NXF1: variants seen among roughly 807,000 people sequenced by gnomAD.
NXF1 encodes the protein mRNA export factor TAP.
Under a neutral mutation model 92.4 loss-of-function variants are expected in NXF1, and 43 were observed. The ratio of observed to expected loss-of-function variants is 0.47; its 90% CI spans 0.36 to 0.60. The LOEUF is 0.60. Ranked by LOEUF, NXF1 falls within the 20% of genes least tolerant of loss-of-function variation. NXF1 has a pLI of 0.00. For missense variants in NXF1, 576 were observed against 793.0 expected (o/e 0.73, Z 3.29); for synonymous variants, 288 against 292.2 (o/e 0.99, Z 0.15).
At chr11:62,803,314 T>TA (rs1277246063) in intron 3 of NXF1, 105 bp downstream of exon 3, 38 of 1,000,356 alleles carry the variant, frequency 3.8e-5, no homozygotes, top group East Asian at 5.5e-5. Context: ...AGACTCCATT[T>TA]AAAAAAAATA....
At chr11:62,799,133 G>A (rs1283526836) in intron 10 of NXF1, 17 of 981,730 alleles carry the variant, frequency 1.7e-5, no homozygotes, top group Non-Finnish European at 2.1e-5. Context: ...AGGGAGAGAT[G>A]GGGAGGTATA....
At chr11:62,804,182 TG>T (rs1257308803) in intron 1 of NXF1, 8 of 1,526,076 alleles carry the variant, frequency 5.2e-6, no homozygotes, top group Non-Finnish European at 7.0e-6. Flanking sequence ...TGGAAAACTG[TG>T]TAGGGCTTTT....
chr11:62,792,752 A>C lies in NXF1; in HGVS notation c.1761-51T>G, dbSNP rs761473671. ...GTAAGAACTCTGACTCGTAAATGCC[A>C]GCTGAAAGTCCACTCCATAAAAGCA... is the stretch of plus-strand genomic sequence containing the variant. On this transcript the variant is annotated intron_variant, in intron 19 of 20. Transcript: ENST00000294172. 3.1e-6 allele frequency: 5 copies of C among 1,591,162 alleles called. No individual in the cohort carries two copies. In the South Asian group the frequency reaches 3.3e-5, roughly 11 times the overall value.
chr11:62,801,368 C>T lies in NXF1; in HGVS notation c.759G>A (p.Met253Ile). ...CTTCAATGATCCTCAGGGTAGCTGC[C>T]ATACAGCTTCTGCGATTCAGGACAA... Reference protein sequence around the residue: ...IDVVLNRRSCMAATLRIIEEN... With the variant: ...IDVVLNRRSCIAATLRIIEEN... Residue 253 changes from methionine to isoleucine, a missense_variant, in exon 8 of 21, where the codon ATG becomes ATA. Physicochemically the swap from Met to Ile is conservative, Grantham distance 10 (BLOSUM62 1). Transcript: ENST00000294172. The T allele has an allele frequency of 6.2e-7, 1 of 1,614,140 alleles. No homozygotes were observed. The highest frequency in any genetic ancestry group is 8.5e-7 in the Non-Finnish European group (1 of 1,179,992).
In NXF1 at chr11:62,802,287, G is replaced by A. The variant is rs200954542; in HGVS notation, c.370-27C>T. On this transcript the variant is annotated intron_variant, in intron 3 of 20. Coordinates refer to ENST00000294172, the MANE Select transcript of NXF1 (RefSeq NM_006362.5). ...TAGAAATGAGAGAAAGAGAAAAGAAGGGAATGATAAGTAAGGCTGAATAGC... is the reference window on the plus strand; with the variant it reads ...TAGAAATGAGAGAAAGAGAAAAGAAAGGAATGATAAGTAAGGCTGAATAGC... The A allele has an allele frequency of 1.2e-4, 194 of 1,596,054 alleles. No homozygotes were observed. The East Asian group carries it at 1.3e-3, about 10-fold the overall frequency.
Position 62,803,590 on chromosome 11 carries a change from A to C in NXF1, c.216-18T>G. ...AGGGGTTGCTGTGGGTAAGCAGAGA[A>C]TAAAATGACCACAAATGCTAGGAAA... On this transcript the variant is annotated intron_variant, in intron 2 of 20. Transcript: ENST00000294172. 1.2e-6 allele frequency: 2 copies of C among 1,613,840 alleles called. No individual in the cohort carries two copies. The highest frequency in any genetic ancestry group is 1.1e-5 in the South Asian group (1 of 91,028).
At chr11:62,803,604 A>G in intron 2 of NXF1, 32 bp from the exon 3 acceptor site, 1 of 1,613,036 alleles carries the variant, frequency 6.2e-7, no homozygotes, top group Non-Finnish European at 8.5e-7. Flanking sequence ...AATGACCACA[A>G]ATGCTAGGAA....
chr11:62,805,210 G>GCCGCTCC, intron 1 of NXF1, 119 bp downstream of exon 1: 1 of 945,080 alleles, frequency 1.1e-6, no homozygotes, highest in Non-Finnish European at 1.4e-6. Flanking sequence ...CCCCCCGCGC[G>GCCGCTCC]CCGCTCCCCG....
intron 17 of NXF1, among the ~76,000 whole-genome samples, 169 bp downstream of exon 17, chr11:62,795,732 A>G (rs1431965470): frequency 1.3e-5 from 2 of 152,172 alleles, no homozygotes; most frequent in Non-Finnish European, 2.9e-5. Context: ...CCACATCCAG[A>G]CAGGACAGGT....
intron 11 of NXF1, among the ~76,000 whole-genome samples, chr11:62,797,648 G>A (rs1388025384): frequency 1.3e-5 from 2 of 152,144 alleles, no homozygotes. Context: ...GAAGGTTGCA[G>A]TAAGCTACGA....
intron 1 of NXF1, chr11:62,804,186 G>C: frequency 6.6e-7 from 1 of 1,523,746 alleles, no homozygotes; most frequent in Non-Finnish European, 8.8e-7. Flanking sequence ...AAACTGTGTA[G>C]GGCTTTTGAA....
At position 62,792,143 on chromosome 11, in the gene NXF1, T is replaced by G; in HGVS notation, c.*333A>C. ...CAGAACACGAAATACAACATCACTC[T>G]TTATATTAAAAAGTGCAGAACACGA... is the stretch of plus-strand genomic sequence containing the variant. On this transcript the variant is annotated 3_prime_UTR_variant, in exon 21 of 21. Transcript: ENST00000294172. 1.4e-6 allele frequency: 1 copy of G among 692,166 alleles called. No individual in the cohort carries two copies. The highest frequency in any genetic ancestry group is 2.4e-6 in the Non-Finnish European group (1 of 422,020). The allele number at this position is 692,166 out of a possible 1,614,324, so 42.9% of individuals were successfully genotyped here. A position where few individuals can be genotyped will look rare whatever the true frequency, so the allele number is the denominator to read the frequency against.
rs1383902248 is a variant in NXF1 at position 62,794,903 on chromosome 11, C to T, written c.1577+32G>A. The T allele has an allele frequency of 6.9e-6, 11 of 1,601,192 alleles. No homozygotes were observed. In the South Asian group the frequency reaches 1.2e-4, roughly 18 times the overall value. ...CCACACTGTTGGCCATGGATTAGGA[C>T]TGGTATCCAATGCGAAAAGCAGAAT... On this transcript the variant is annotated intron_variant, in intron 18 of 20. Transcript: ENST00000294172.
Position 62,796,154 on chromosome 11 carries a change from G to A in NXF1, c.1373C>T (p.Thr458Met), listed in dbSNP as rs770344812. Residue 458 changes from threonine to methionine, a missense_variant, in exon 16 of 21, where the codon ACG (threonine) becomes ATG (methionine). Thr to Met is a moderately conservative substitution (Grantham distance 81). Around this residue, in one of 2 missense-constraint regions of NXF1, gnomAD observed 425 missense variants for 635.2 expected, o/e 0.67. Transcript: ENST00000294172. ...PTLRFRLLKH[T>M]RLNVVAFLNE... The stretch of plus-strand genomic sequence containing the variant: ...GAGGAAGGCAACAACGTTGAGACGC[G>A]TGTGCTTCAGCAGCCGGAACCGCAA... 32 of 1,614,172 alleles carry A rather than the reference G, an allele frequency of 2.0e-5. No individual in the cohort carries two copies. The highest frequency in any genetic ancestry group is 2.5e-5 in the Non-Finnish European group (30 of 1,180,030).
At chr11:62,796,937 C>A in intron 13 of NXF1, 1 of 570,230 alleles carries the variant, frequency 1.8e-6, no homozygotes, top group Non-Finnish European at 3.1e-6. Context: ...TGCAGTGGCA[C>A]ACACCTGTAG....
intron 13 of NXF1, 87 bp from the exon 14 acceptor site, chr11:62,796,654 G>A (rs542740512): frequency 5.7e-5 from 49 of 857,646 alleles, no homozygotes; most frequent in African/African-American, 3.2e-4. Flanking sequence ...AGTTGTGGCC[G>A]GGCATGGAAG....
chr11:62,805,306 C>G (rs777618216), intron 1 of NXF1, 23 bp downstream of exon 1: 1 of 1,599,904 alleles, frequency 6.3e-7, no homozygotes, highest in South Asian at 1.1e-5. Context: ...TAGCCAGTTC[C>G]CGACCCGAAG....
chr11:62,805,336 C>A lies in NXF1; in HGVS notation c.21G>T (p.Ser7=), dbSNP rs772740911. The A allele has an allele frequency of 4.3e-6, 7 of 1,611,244 alleles. No homozygotes were observed. In the Admixed American group the frequency reaches 1.0e-4, roughly 23 times the overall value. ...CCGAAGACCAGCACTTACCGCTGTA[C>A]GACTTCCCCTCGTCCGCCATGCCAC... is the stretch of plus-strand genomic sequence containing the variant. MADEGK[S]YSEHDDERVN... Residue 7 remains serine (S), a synonymous_variant, in exon 1 of 21, where the codon TCG becomes TCT. Transcript: ENST00000294172.
intron 19 of NXF1, among the ~76,000 whole-genome samples, chr11:62,793,520 C>CA (rs886968168): frequency 7.9e-5 from 12 of 151,924 alleles, no homozygotes; most frequent in African/African-American, 2.9e-4. Context: ...CAAAGAAATA[C>CA]AAAAAAATTA....
Sources: gnomAD v4.1 joint callset for allele counts (sites outside exome capture counted in the v4.1 genomes callset) on GRCh38, gnomAD v4.1.1 for gene constraint, gnomAD v4.1.1 regional missense constraint, MANE v1.5 for transcripts, NCBI Gene and HGNC (gene_info 2026-07-23, HGNC 2026-07-21) for gene names.